MAST4: variants seen among roughly 807,000 people sequenced by gnomAD.
MAST4 encodes microtubule-associated serine/threonine-protein kinase 4.
MAST4 carries 89 observed loss-of-function variants against 162.7 expected under a neutral mutation model. The ratio of observed to expected loss-of-function variants is 0.55; its 90% CI spans 0.46 to 0.65. MAST4 has a LOEUF of 0.65. Among genes scored for constraint, MAST4 ranks in the 30% least tolerant of loss-of-function variants. The pLI, the probability that MAST4 is intolerant of heterozygous loss-of-function variation, is 0.00. For synonymous variants in MAST4, 1,479 were observed against 1,361.1 expected, an observed-to-expected ratio of 1.09 and a Z score of -1.91; for missense variants, 3,153 against 3,374.0, an observed-to-expected ratio of 0.93 and a Z score of 1.62.
At chr5:66,845,126 T>TATATATATACACAC (rs1358855625) in intron 3 of MAST4, among the ~76,000 whole-genome samples, 38 of 67,160 alleles carry the variant, frequency 5.7e-4, no homozygotes, top group East Asian at 2.4e-3. Context: ...TATATATATA[T>TATATATATACACAC]ACACACACAC....
At chr5:66,682,355 C>T (rs1748386016) in intron 1 of MAST4, among the ~76,000 whole-genome samples, 1 of 152,150 alleles carries the variant, frequency 6.6e-6, no homozygotes, top group South Asian at 2.1e-4. Flanking sequence ...TCTCAAAGAA[C>T]AGTGTGAGGA....
At chr5:66,964,087 T>C (rs1364039550) in intron 4 of MAST4, 3 of 551,412 alleles carry the variant, frequency 5.4e-6, no homozygotes, top group Admixed American at 4.5e-5. Flanking sequence ...TATAAAGATA[T>C]AATTTATTGG....
intron 5 of MAST4, among the ~76,000 whole-genome samples, chr5:67,056,087 T>C (rs1758778992): frequency 6.6e-6 from 1 of 150,808 alleles, no homozygotes; most frequent in South Asian, 2.1e-4. Context: ...ATATTTTATG[T>C]ATTTTTATAA....
At chr5:66,919,306 C>G (rs1764325998) in intron 4 of MAST4, among the ~76,000 whole-genome samples, 1 of 151,898 alleles carries the variant, frequency 6.6e-6, no homozygotes, top group African/African-American at 2.4e-5. Context: ...TAAACTGAAA[C>G]CTTCCATATG....
Position 67,108,546 on chromosome 5 carries a change from A to G in MAST4, c.1357-1552A>G, listed in dbSNP as rs573392323. Among the ~76,000 whole-genome samples, 25 of 152,284 alleles carry G rather than the reference A, an allele frequency of 1.6e-4. No homozygotes were observed. In the South Asian group the frequency reaches 4.8e-3, roughly 29 times the overall value. On this transcript the variant is annotated intron_variant, in intron 10 of 28. Coordinates refer to ENST00000403625, the MANE Select transcript of MAST4 (RefSeq NM_001164664.2). ...ATATGTGCATTGTTATATATGTCCT[A>G]ACATCCTTCCTGGTTACTAGGACCT...
chr5:67,135,363 C>G (rs558654167), intron 18 of MAST4, among the ~76,000 whole-genome samples: 63 of 152,238 alleles, frequency 4.1e-4, no homozygotes, highest in African/African-American at 2.2e-4. Context: ...TATCACTACC[C>G]TACCTGCCGA....
intron 1 of MAST4, among the ~76,000 whole-genome samples, chr5:66,687,671 TCTA>T (rs1561262841): frequency 6.7e-6 from 1 of 149,954 alleles, no homozygotes; most frequent in Non-Finnish European, 1.5e-5. Context: ...TATCTATCTA[TCTA>T]TCTATACGCA....
chr5:66,751,984 A>G (rs1016568996), intron 1 of MAST4, among the ~76,000 whole-genome samples: 5 of 151,804 alleles, frequency 3.3e-5, no homozygotes, highest in African/African-American at 4.9e-5. Flanking sequence ...AGTGGGGGCC[A>G]ATATTCAACA....
At chr5:66,855,689 T>C (rs1219491907) in intron 3 of MAST4, among the ~76,000 whole-genome samples, 2 of 152,144 alleles carry the variant, frequency 1.3e-5, no homozygotes, top group African/African-American at 2.4e-5. Flanking sequence ...CACTCTGGAA[T>C]TGGCTACCTG....
chr5:66,635,153 T>C (rs1204808726), intron 1 of MAST4, among the ~76,000 whole-genome samples: 1 of 152,172 alleles, frequency 6.6e-6, no homozygotes, highest in East Asian at 1.9e-4. Context: ...AAAACAGCAT[T>C]ATGTTGCCTA....
chr5:66,613,062 TTAA>T (rs1743399128), intron 1 of MAST4, among the ~76,000 whole-genome samples: 1 of 152,182 alleles, frequency 6.6e-6, no homozygotes, highest in Admixed American at 6.5e-5. Flanking sequence ...TGCTAGGTAA[TTAA>T]ACAATGTTTA....
chr5:66,848,985 C>T (rs874547), intron 3 of MAST4, among the ~76,000 whole-genome samples: 37,718 of 152,100 alleles, frequency 0.25, 5,777 homozygotes, highest in Non-Finnish European at 0.35. Context: ...TGAGTTAAAG[C>T]GATGGAATTT....
chr5:66,866,646 G>A (rs1760542757), intron 3 of MAST4, among the ~76,000 whole-genome samples: 1 of 152,220 alleles, frequency 6.6e-6, no homozygotes, highest in African/African-American at 2.4e-5. Context: ...AAGAGGTTTG[G>A]TTGGGGGTGA....
Position 67,145,210 on chromosome 5 carries a change from A to G in MAST4, c.2925A>G (p.Leu975=). Residue 975 remains leucine, a synonymous_variant, in exon 23 of 29, where the codon CTA becomes CTG. Coordinates refer to ENST00000403625, the MANE Select transcript of MAST4 (RefSeq NM_001164664.2). ...ACAGACATAAACTCAGTTCTGGCCT[A>G]CTTCCCAAACTGGCTATTTCAACAG... ...ESNRHKLSSG[L]LPKLAISTEG... is the part of the protein sequence containing the mutation. 2 of 1,613,588 alleles carry G rather than the reference A, an allele frequency of 1.2e-6. No individual in the cohort carries two copies. The highest frequency in any genetic ancestry group is 1.7e-6 in the Non-Finnish European group (2 of 1,179,752).
intron 1 of MAST4, among the ~76,000 whole-genome samples, chr5:66,686,593 C>T (rs1237805702): frequency 6.6e-6 from 1 of 152,168 alleles, no homozygotes; most frequent in Non-Finnish European, 1.5e-5. Context: ...TTAAAAGTAG[C>T]ACATTTTCTG....
At chr5:67,062,446 T>C (rs1048134564) in intron 5 of MAST4, among the ~76,000 whole-genome samples, 2 of 152,094 alleles carry the variant, frequency 1.3e-5, no homozygotes, top group African/African-American at 4.8e-5. Context: ...AAATATTGCC[T>C]TTGTTGTGTT....
At chr5:67,053,748 C>G (rs981270797) in intron 4 of MAST4, among the ~76,000 whole-genome samples, 1 of 152,086 alleles carries the variant, frequency 6.6e-6, no homozygotes, top group Non-Finnish European at 1.5e-5. Context: ...TAATTTATTT[C>G]TATGCTCTGG....
intron 3 of MAST4, among the ~76,000 whole-genome samples, chr5:66,828,567 C>T (rs1268770483): frequency 6.6e-6 from 1 of 152,176 alleles, no homozygotes; most frequent in Non-Finnish European, 1.5e-5. Flanking sequence ...AAGGATCTCA[C>T]GATTTCCTGT....
At chr5:66,788,606 C>CCCA in intron 2 of MAST4, 64 bp from the exon 3 acceptor site, 7 of 1,356,362 alleles carry the variant, frequency 5.2e-6, no homozygotes, top group Admixed American at 1.8e-5. Context: ...ACCCCCACCC[C>CCCA]CATTGCAATA....
Sources: gnomAD v4.1 joint callset for allele counts (sites outside exome capture counted in the v4.1 genomes callset) on GRCh38, gnomAD v4.1.1 for gene constraint, MANE v1.5 for transcripts, NCBI Gene and HGNC (gene_info 2026-07-23, HGNC 2026-07-21) for gene names.